COBL: variants seen among roughly 807,000 people sequenced by gnomAD.
The protein encoded by COBL is protein cordon-bleu.
COBL carries 51 observed loss-of-function variants against 98.8 expected under a neutral mutation model. That is an observed-to-expected ratio of 0.52 (90% confidence interval 0.41 to 0.65). The LOEUF is 0.65. Ranked by LOEUF, COBL falls within the 30% of genes least tolerant of loss-of-function variation. The pLI is 0.00. For missense variants in COBL, 1,617 were observed against 1,617.5 expected, an observed-to-expected ratio of 1.00 and a Z score of 0.01; for synonymous variants, 634 against 651.7, an observed-to-expected ratio of 0.97 and a Z score of 0.41.
chr7:51,027,649 C>CTGA, intron 10 of COBL, 63 bp downstream of exon 10: 1 of 1,355,096 alleles, frequency 7.4e-7, no homozygotes, highest in Non-Finnish European at 1.0e-6. Flanking sequence ...TTCTGAGACT[C>CTGA]TGAGACCAGT....
At chr7:51,143,676 C>A (rs549473894) in intron 5 of COBL, among the ~76,000 whole-genome samples, 6 of 152,300 alleles carry the variant, frequency 3.9e-5, no homozygotes, top group South Asian at 2.1e-4. Flanking sequence ...AATTCCTGTG[C>A]AATAAATATG....
At chr7:51,231,981 T>A (rs1174215960) in intron 1 of COBL, among the ~76,000 whole-genome samples, 1 of 151,938 alleles carries the variant, frequency 6.6e-6, no homozygotes, top group African/African-American at 2.4e-5. Context: ...CGGACCTGAG[T>A]GCAGTAGAGG....
chr7:51,022,446 G>C (rs796638311), intron 12 of COBL, among the ~76,000 whole-genome samples: 11 of 152,324 alleles, frequency 7.2e-5, no homozygotes, highest in African/African-American at 2.4e-4. Flanking sequence ...GCATGCCTGG[G>C]CCTCGCACGG....
At chr7:51,115,021 T>C (rs1187483933) in intron 6 of COBL, among the ~76,000 whole-genome samples, 2 of 152,212 alleles carry the variant, frequency 1.3e-5, no homozygotes, top group Non-Finnish European at 2.9e-5. Context: ...TTTCAGCTTG[T>C]GTCAAATGGT....
intron 1 of COBL, among the ~76,000 whole-genome samples, chr7:51,268,708 G>A (rs777238203): frequency 8.6e-5 from 13 of 152,010 alleles, no homozygotes; most frequent in Non-Finnish European, 1.8e-4. Context: ...AAGGTAGGTG[G>A]ATCACAAGGT....
At position 51,106,675 on chromosome 7, in the gene COBL, T is replaced by C. The variant is rs80332910; in HGVS notation, c.958-21371A>G. On this transcript the variant is annotated intron_variant, in intron 6 of 12. Coordinates refer to ENST00000265136, the MANE Select transcript of COBL (RefSeq NM_015198.5). ...AAGACTCCCATCAAATGCTGATGCCTTAGGTCAACCAAATGATTCCCTGCA... is the reference window on the plus strand; with the variant it reads ...AAGACTCCCATCAAATGCTGATGCCCTAGGTCAACCAAATGATTCCCTGCA... Among the ~76,000 whole-genome samples, 1,022 of 152,342 alleles carry C rather than the reference T, an allele frequency of 6.7e-3. 11 individuals are homozygous for C. The highest frequency in any genetic ancestry group is 0.024 in the African/African-American group (985 of 41,576).
At chr7:51,050,280 C>G (rs1044098933) in intron 7 of COBL, among the ~76,000 whole-genome samples, 11 of 152,196 alleles carry the variant, frequency 7.2e-5, no homozygotes, top group African/African-American at 2.7e-4. Flanking sequence ...CTACCTGAAC[C>G]AAACTCTAGT....
rs568147654 is a variant in COBL at position 51,256,839 on chromosome 7, C to T, written c.42-36895G>A. 6.6e-5 allele frequency among the ~76,000 whole-genome samples: 10 copies of T among 152,284 alleles called. No individual in the cohort carries two copies. The South Asian group carries it at 8.3e-4, about 13-fold the overall frequency. On this transcript the variant is annotated intron_variant, in intron 1 of 12. Transcript: ENST00000265136. Reference sequence around the variant, plus strand: ...TATTTCCTGTCTGACAGCTGCTTCCCGGATTTACTGCTTAAAGTGAGTAAT... The same window carrying T: ...TATTTCCTGTCTGACAGCTGCTTCCTGGATTTACTGCTTAAAGTGAGTAAT...
intron 5 of COBL, chr7:51,156,479 T>A: frequency 1.0e-6 from 1 of 984,980 alleles, no homozygotes; most frequent in Non-Finnish European, 1.2e-6. Context: ...TTATTCAGTT[T>A]TATTGGAGGC....
chr7:51,081,943 C>T (rs1250724566), intron 7 of COBL, among the ~76,000 whole-genome samples: 1 of 151,814 alleles, frequency 6.6e-6, no homozygotes, highest in East Asian at 1.9e-4. Context: ...TTTGAATGCC[C>T]TAAAAAATTC....
chr7:51,147,928 TTTTTA>T (rs1221891196), intron 5 of COBL, among the ~76,000 whole-genome samples: 1 of 151,868 alleles, frequency 6.6e-6, no homozygotes, highest in East Asian at 1.9e-4. Context: ...GTTTTTTGCA[TTTTTA>T]TTTTATTTTT....
chr7:51,112,398 T>C (rs187517157), intron 6 of COBL, among the ~76,000 whole-genome samples: 2 of 152,316 alleles, frequency 1.3e-5, no homozygotes, highest in African/African-American at 4.8e-5. Context: ...TTATGATTAA[T>C]ATGTAACTTA....
At chr7:51,267,997 T>C (rs1047274075) in intron 1 of COBL, among the ~76,000 whole-genome samples, 7 of 152,266 alleles carry the variant, frequency 4.6e-5, no homozygotes, top group Middle Eastern at 3.4e-3. Context: ...AGACCACGGC[T>C]CTATTACTTT....
At chr7:51,131,780 G>A (rs906471645) in intron 6 of COBL, among the ~76,000 whole-genome samples, 1 of 152,118 alleles carries the variant, frequency 6.6e-6, no homozygotes, top group African/African-American at 2.4e-5. Flanking sequence ...TTTTAGTAGG[G>A]ATGAGGTTTC....
At chr7:51,291,238 T>C (rs1243568915) in intron 1 of COBL, among the ~76,000 whole-genome samples, 1 of 152,096 alleles carries the variant, frequency 6.6e-6, no homozygotes, top group Non-Finnish European at 1.5e-5. Context: ...GACCAGAAGA[T>C]ACAGACATGA....
chr7:51,074,245 G>A (rs979025453), intron 7 of COBL, among the ~76,000 whole-genome samples: 26 of 127,790 alleles, frequency 2.0e-4, no homozygotes, highest in Non-Finnish European at 3.4e-4. Context: ...TGCCAGGCTA[G>A]AGTGCTGTGG....
intron 1 of COBL, among the ~76,000 whole-genome samples, chr7:51,274,276 A>C (rs1413439125): frequency 5.3e-5 from 8 of 151,962 alleles, no homozygotes; most frequent in Non-Finnish European, 2.9e-5. Context: ...ACTGCACATG[A>C]CCCTCACTGC....
chr7:51,162,570 T>C (rs1786922385), intron 5 of COBL, among the ~76,000 whole-genome samples: 1 of 152,204 alleles, frequency 6.6e-6, no homozygotes, highest in African/African-American at 2.4e-5. Flanking sequence ...ACCACTTACA[T>C]TTTCTCAAGA....
intron 6 of COBL, among the ~76,000 whole-genome samples, chr7:51,115,156 ATTAAT>A (rs1478995698): frequency 1.3e-5 from 2 of 152,116 alleles, no homozygotes; most frequent in Non-Finnish European, 1.5e-5. Context: ...TAAAATTGAT[ATTAAT>A]TTATGTTCTT....
Sources: allele counts gnomAD v4.1 joint callset (sites outside exome capture counted in the v4.1 genomes callset), GRCh38; gene constraint gnomAD v4.1.1; transcripts MANE v1.5; gene names NCBI Gene and HGNC (gene_info 2026-07-23, HGNC 2026-07-21).